Variants in ZBTB38 observed in about 807,000 individuals in gnomAD.
The protein encoded by ZBTB38 is zinc finger and BTB domain-containing protein 38.
A neutral mutation model predicts 76.8 loss-of-function variants in ZBTB38; 20 were observed. The ratio of observed to expected loss-of-function variants is 0.26; its 90% CI spans 0.18 to 0.38. The LOEUF is 0.38. Ranked by LOEUF, ZBTB38 falls within the 10% of genes least tolerant of loss-of-function variation. The probability of loss-of-function intolerance (pLI) is 1.00; values close to 1 mark genes in which losing one functional copy is unlikely to be tolerated. For missense variants in ZBTB38, 1,082 were observed against 1,482.3 expected (o/e 0.73, Z 4.43); for synonymous variants, 504 against 544.2 (o/e 0.93, Z 1.03).
chr3:141,334,734 G>A (rs774813177), intron 1 of ZBTB38, among the ~76,000 whole-genome samples: 11 of 151,950 alleles, frequency 7.2e-5, no homozygotes, highest in South Asian at 2.1e-4. Context: ...CCCTGCATGC[G>A]CTACATCCTG....
rs1943343771 is a variant in ZBTB38 at position 141,346,069 on chromosome 3, T to G, written c.-739+21613T>G. 1.1e-4 allele frequency among the ~76,000 whole-genome samples: 17 copies of G among 152,318 alleles called. No homozygotes were observed. The South Asian group carries it at 3.3e-3, about 30-fold the overall frequency. ...ACTGCTCTAAATAGTGGCTGTGATT[T>G]CTTACCAGTTAAAGCAATCACCTCT... On this transcript the variant is annotated intron_variant, in intron 1 of 7. Transcript: ENST00000509842.
intron 1 of ZBTB38, among the ~76,000 whole-genome samples, chr3:141,344,463 G>C (rs1473622628): frequency 6.6e-6 from 1 of 152,154 alleles, no homozygotes; most frequent in Non-Finnish European, 1.5e-5. Context: ...CAACCTCCAA[G>C]GCTGAAATGA....
chr3:141,398,457 G>C (rs991634992), intron 4 of ZBTB38, among the ~76,000 whole-genome samples: 2 of 152,118 alleles, frequency 1.3e-5, no homozygotes, highest in Non-Finnish European at 2.9e-5. Flanking sequence ...GACAAACTAT[G>C]TATCTTCTTG....
intron 5 of ZBTB38, among the ~76,000 whole-genome samples, chr3:141,412,803 G>C (rs182606059): frequency 6.6e-6 from 1 of 151,184 alleles, no homozygotes; most frequent in Non-Finnish European, 1.5e-5. Context: ...TTTTCCACTC[G>C]GTTTTTTTTT....
At chr3:141,324,945 CTT>C (rs1482157648) in intron 1 of ZBTB38, among the ~76,000 whole-genome samples, 1 of 152,102 alleles carries the variant, frequency 6.6e-6, no homozygotes, top group East Asian at 1.9e-4. Flanking sequence ...TTCTTTGAAA[CTT>C]AGGTTTAAAC....
Position 141,445,418 on chromosome 3 carries a change from T to C in ZBTB38, c.3030T>C (p.Tyr1010=). ...ACCGACATCTTACTTCTCGGCCATA[T>C]GCCTGCGAGCTCTGCGCCAAGCAGT... ...RPHRHLTSRP[Y]ACELCAKQFQ... The change falls in exon 6 of 6, where the codon TAT becomes TAC. Residue 1010 remains tyrosine, a synonymous_variant. Coordinates refer to ENST00000321464, the MANE Select transcript of ZBTB38 (RefSeq NM_001376113.1). This position sits in a 1 kb window ranked among gnomAD's most constrained non-coding sequence, Gnocchi z 6.5. 6.2e-7 allele frequency: 1 copy of C among 1,614,160 alleles called. No homozygotes were observed. The highest frequency in any genetic ancestry group is 8.5e-7 in the Non-Finnish European group (1 of 1,180,022).
chr3:141,418,097 G>A (rs1213116045), intron 5 of ZBTB38, among the ~76,000 whole-genome samples: 2 of 152,180 alleles, frequency 1.3e-5, no homozygotes, highest in African/African-American at 4.8e-5. Flanking sequence ...ATTGGGGCCT[G>A]AGTATTGGTG....
chr3:141,357,231 CTT>C (rs530019345), intron 1 of ZBTB38, among the ~76,000 whole-genome samples: 130 of 152,126 alleles, frequency 8.5e-4, no homozygotes, highest in African/African-American at 3.0e-3. Context: ...CTATGACTTA[CTT>C]TTTTTTCTTT....
intron 1 of ZBTB38, among the ~76,000 whole-genome samples, chr3:141,341,854 T>C (rs1247737567): frequency 2.6e-5 from 4 of 152,184 alleles, no homozygotes; most frequent in South Asian, 4.1e-4. Flanking sequence ...GTGGAATGTG[T>C]GTATAAGATG....
chr3:141,387,481 T>G (rs1467908636), intron 4 of ZBTB38: 1 of 152,230 alleles, frequency 6.6e-6, no homozygotes, highest in African/African-American at 2.4e-5. Context: ...TCTTATGCAC[T>G]CCATCATGTG....
At chr3:141,429,998 G>A (rs369084628) in intron 5 of ZBTB38, among the ~76,000 whole-genome samples, 26 of 152,320 alleles carry the variant, frequency 1.7e-4, no homozygotes, top group Admixed American at 9.2e-4. Context: ...GGGGAAGTCC[G>A]CTGAAGGGCT....
chr3:141,443,219 A>G lies in ZBTB38; in HGVS notation c.831A>G (p.Ser277=), dbSNP rs2080608428. 1 of 1,614,260 alleles carries G rather than the reference A, an allele frequency of 6.2e-7. No homozygotes were observed. The highest frequency in any genetic ancestry group is 8.5e-7 in the Non-Finnish European group (1 of 1,180,046). Reference sequence around the variant, plus strand: ...TCTCCATACCACAGGATTCGGATTCAGCCACAGAAAATATACCACCCCCTC... The same window carrying G: ...TCTCCATACCACAGGATTCGGATTCGGCCACAGAAAATATACCACCCCCTC... ...KTFSIPQDSD[S]ATENIPPPPV... is the part of the protein sequence containing the mutation. The change falls in exon 6 of 6, where the codon TCA becomes TCG. Residue 277 remains serine, a synonymous_variant. Transcript: ENST00000321464. This position sits in a 1 kb window ranked among gnomAD's most constrained non-coding sequence, Gnocchi z 5.6.
Position 141,368,571 on chromosome 3 carries a change from C to T in ZBTB38, c.-543C>T, listed in dbSNP as rs1944082867. The T allele has an allele frequency of 6.6e-6, 1 of 152,236 alleles. No homozygotes were observed. The highest frequency in any genetic ancestry group is 6.5e-5 in the Admixed American group (1 of 15,294). 9.4% of individuals were successfully genotyped at this position (152,236 alleles called of 1,614,324 possible). On this transcript the variant is annotated 5_prime_UTR_variant, in exon 1 of 6. Coordinates refer to ENST00000321464, the MANE Select transcript of ZBTB38 (RefSeq NM_001376113.1). ...AAGAGGCAACGGCCTTTCTCTTCCT[C>T]TCCATCTCCCTATAGCACACCTTTT...
Position 141,442,804 on chromosome 3 carries a change from C to T in ZBTB38, c.416C>T (p.Thr139Ile). ...NSPGPYVFCI[T>I]EKGVVKEEKN... Reference sequence around the variant, plus strand: ...CCGGGTCCCTATGTATTCTGTATTACTGAAAAGGGAGTGGTTAAAGAAGAA... The same window carrying T: ...CCGGGTCCCTATGTATTCTGTATTATTGAAAAGGGAGTGGTTAAAGAAGAA... Residue 139 changes from threonine to isoleucine, a missense_variant, in exon 6 of 6, where the codon ACT becomes ATT. Thr to Ile is a moderately conservative substitution (Grantham distance 89, BLOSUM62 -1). This residue lies in a region of ZBTB38 where 34 missense variants were observed against 40.4 expected (regional missense o/e 0.84). Transcript: ENST00000321464. This position sits in a 1 kb window ranked among gnomAD's most constrained non-coding sequence, Gnocchi z 6.4. 2 of 1,614,004 alleles carry T rather than the reference C, an allele frequency of 1.2e-6. No homozygotes were observed. The highest frequency in any genetic ancestry group is 1.7e-6 in the Non-Finnish European group (2 of 1,180,014).
rs1464392775 is a variant in ZBTB38 at position 141,444,970 on chromosome 3, A to G, written c.2582A>G (p.Lys861Arg). The G allele has an allele frequency of 2.5e-6, 4 of 1,614,084 alleles. No individual in the cohort carries two copies. Among genetic ancestry groups the G allele is most frequent in the East Asian group, 2.2e-5 (1 of 44,900 alleles). ...RHILGSKLFY[K>R]RGRRPKYQMQ... ...ATTCTAGGATCTAAATTGTTTTATA[A>G]AAGAGGGAGAAGACCCAAGTATCAG... Residue 861 changes from lysine (K) to arginine (R), a missense_variant, in exon 6 of 6, where the codon AAA (lysine) becomes AGA (arginine). This residue lies in a region of ZBTB38 where 471 missense variants were observed against 581.0 expected (regional missense o/e 0.81). Transcript: ENST00000321464. The surrounding 1 kb of genome is among the most constrained non-coding windows in gnomAD (Gnocchi z 5.1).
chr3:141,410,563 G>C (rs916307557), intron 5 of ZBTB38, among the ~76,000 whole-genome samples: 2 of 152,176 alleles, frequency 1.3e-5, no homozygotes, highest in African/African-American at 4.8e-5. Context: ...CTTAAAGAAG[G>C]ACTGGCATTG....
At chr3:141,411,756 G>T (rs1956746585) in intron 5 of ZBTB38, among the ~76,000 whole-genome samples, 1 of 152,184 alleles carries the variant, frequency 6.6e-6, no homozygotes, top group Non-Finnish European at 1.5e-5. Context: ...CAATTCTGGA[G>T]TGTCTTCAGC....
chr3:141,397,319 TGAG>T (rs1296268359), intron 4 of ZBTB38, among the ~76,000 whole-genome samples: 1 of 152,214 alleles, frequency 6.6e-6, no homozygotes, highest in African/African-American at 2.4e-5. Context: ...TTCCTAGAAT[TGAG>T]GAGAGTTAGG....
intron 5 of ZBTB38, among the ~76,000 whole-genome samples, chr3:141,441,148 A>G (rs563937183): frequency 6.6e-6 from 1 of 152,252 alleles, no homozygotes; most frequent in African/African-American, 2.4e-5. Context: ...TTAGGTCACT[A>G]TGTACTGTGT....
Sources: gnomAD v4.1 joint callset for allele counts (sites outside exome capture counted in the v4.1 genomes callset) on GRCh38, gnomAD v4.1.1 for gene constraint, gnomAD v4.1.1 regional missense constraint, Gnocchi (gnomAD v3.1) non-coding constraint, MANE v1.5 for transcripts, NCBI Gene and HGNC (gene_info 2026-07-23, HGNC 2026-07-21) for gene names.